The following SOX13 variants were observed in gnomAD, a reference collection of about 807,000 sequenced individuals.
The protein encoded by SOX13 is transcription factor SOX-13.
A neutral mutation model predicts 71.8 loss-of-function variants in SOX13; 28 were observed. The observed-to-expected ratio is 0.39, with a 90% CI of 0.29 to 0.53. The LOEUF (loss-of-function observed/expected upper bound fraction) is 0.53. Ranked by LOEUF, SOX13 falls within the 20% of genes least tolerant of loss-of-function variation. The pLI is 0.70. For missense variants in SOX13, 627 were observed against 810.3 expected, an observed-to-expected ratio of 0.77 and a Z score of 2.75; for synonymous variants, 309 against 317.8, an observed-to-expected ratio of 0.97 and a Z score of 0.29.
At chr1:204,075,373 C>A (rs1011141199) in intron 1 of SOX13, among the ~76,000 whole-genome samples, 2 of 152,266 alleles carry the variant, frequency 1.3e-5, no homozygotes, top group African/African-American at 4.8e-5. Flanking sequence ...TGCGCCTCGG[C>A]GCAGTTGCGA....
chr1:204,100,102 T>C (rs1352888767), intron 1 of SOX13, among the ~76,000 whole-genome samples: 1 of 152,228 alleles, frequency 6.6e-6, no homozygotes, highest in African/African-American at 2.4e-5. Context: ...ATTGTGCCAC[T>C]GTACTCCAGC....
chr1:204,121,999 C>T lies in SOX13; in HGVS notation c.861+14C>T, dbSNP rs1479174046. ...CACCCCCTGCAGGTACCGCCCTCTA[C>T]CCACTGGCCTGGGGCTCCCTCTCGA... On this transcript the variant is annotated intron_variant, in intron 8 of 13. Transcript: ENST00000367204. 3 of 1,574,886 alleles carry T rather than the reference C, an allele frequency of 1.9e-6. No homozygotes were observed. The highest frequency in any genetic ancestry group is 1.7e-6 in the Non-Finnish European group (2 of 1,146,402).
chr1:204,087,212 G>A (rs935315058), intron 1 of SOX13, among the ~76,000 whole-genome samples: 8 of 152,196 alleles, frequency 5.3e-5, no homozygotes, highest in East Asian at 3.9e-4. Context: ...GTGAGCCACC[G>A]CGCCCAGCTT....
intron 1 of SOX13, among the ~76,000 whole-genome samples, chr1:204,086,147 A>G (rs1656013699): frequency 6.6e-6 from 1 of 152,126 alleles, no homozygotes; most frequent in Admixed American, 6.5e-5. Flanking sequence ...TGCAGCCTGG[A>G]AAGGAGTTGG....
In SOX13 at chr1:204,073,432, G is replaced by C. The variant is rs1655710553; in HGVS notation, c.-281G>C. 1 of 152,080 alleles carries C rather than the reference G, an allele frequency of 6.6e-6. No individual in the cohort carries two copies. Among genetic ancestry groups the C allele is most frequent in the Non-Finnish European group, 1.5e-5 (1 of 68,026 alleles). 9.4% of individuals were successfully genotyped at this position (152,080 alleles called of 1,614,324 possible). A position where few individuals can be genotyped will look rare whatever the true frequency, so the allele number is the denominator to read the frequency against. ...CAGAGGGCAGAGAGCGGCCTGGCTCGGCGGAGAGGGCGCCGCCCGGCCGGA... is the reference window on the plus strand; with the variant it reads ...CAGAGGGCAGAGAGCGGCCTGGCTCCGCGGAGAGGGCGCCGCCCGGCCGGA... On this transcript the variant is annotated 5_prime_UTR_variant, in exon 1 of 14. Coordinates refer to ENST00000367204, the MANE Select transcript of SOX13 (RefSeq NM_005686.3). This position sits in a 1 kb window ranked among gnomAD's most constrained non-coding sequence, Gnocchi z 6.8.
At chr1:204,103,596 A>G (rs550579498) in intron 1 of SOX13, among the ~76,000 whole-genome samples, 2 of 152,356 alleles carry the variant, frequency 1.3e-5, no homozygotes, top group East Asian at 3.9e-4. Context: ...TTTGGTCAGT[A>G]TTCAGGGCTA....
Position 204,124,607 on chromosome 1 carries a change from G to T in SOX13, c.1376-34G>T, listed in dbSNP as rs139366908. 72 of 1,572,692 alleles carry T rather than the reference G, an allele frequency of 4.6e-5. No homozygotes were observed. The African/African-American group carries it at 8.0e-4, about 17-fold the overall frequency. On this transcript the variant is annotated intron_variant, in intron 12 of 13. Transcript: ENST00000367204. ...GGCTGGGGGTGGTCAGCAGAGCCCA[G>T]CACTGACTGCCTGCCCCTGGGGGGT...
At chr1:204,089,063 A>G (rs1656083258) in intron 1 of SOX13, among the ~76,000 whole-genome samples, 1 of 151,750 alleles carries the variant, frequency 6.6e-6, no homozygotes, top group African/African-American at 2.4e-5. Context: ...AGGAGCAGAA[A>G]GGAAGAGCTA....
intron 7 of SOX13, 82 bp downstream of exon 7, chr1:204,117,789 A>G (rs1465351472): frequency 1.2e-6 from 1 of 858,764 alleles, no homozygotes; most frequent in Non-Finnish European, 1.9e-6. Flanking sequence ...ACTCTCATCC[A>G]TTAATTTGCT....
intron 1 of SOX13, among the ~76,000 whole-genome samples, chr1:204,091,151 C>T (rs1356611600): frequency 2.0e-5 from 3 of 152,148 alleles, no homozygotes; most frequent in Non-Finnish European, 2.9e-5. Flanking sequence ...TGCTGCCTTC[C>T]GTATTGAACT....
At chr1:204,093,123 G>A (rs905775696) in intron 1 of SOX13, among the ~76,000 whole-genome samples, 11 of 152,148 alleles carry the variant, frequency 7.2e-5, no homozygotes, top group African/African-American at 1.2e-4. Flanking sequence ...ACGTGGGGAC[G>A]TGGGGGAGGT....
intron 1 of SOX13, among the ~76,000 whole-genome samples, chr1:204,090,600 A>C (rs1050724605): frequency 6.6e-6 from 1 of 151,832 alleles, no homozygotes; most frequent in Non-Finnish European, 1.5e-5. Flanking sequence ...CAGTAGGGAC[A>C]GGGTTTCACT....
At chr1:204,090,233 G>A (rs887437545) in intron 1 of SOX13, among the ~76,000 whole-genome samples, 2 of 152,068 alleles carry the variant, frequency 1.3e-5, no homozygotes, top group Non-Finnish European at 2.9e-5. Context: ...TTGGGCAGTC[G>A]GGGAGAGAGG....
chr1:204,107,841 G>A (rs549391473), intron 1 of SOX13, among the ~76,000 whole-genome samples: 21 of 152,238 alleles, frequency 1.4e-4, no homozygotes, highest in Admixed American at 2.6e-4. Flanking sequence ...AGACACCTGT[G>A]AGGATGGAAG....
intron 4 of SOX13, among the ~76,000 whole-genome samples, chr1:204,115,736 G>A (rs112522107): frequency 0.02 from 2,738 of 135,512 alleles, 92 homozygotes; most frequent in African/African-American, 0.07. Flanking sequence ...GTGTGATTTC[G>A]GCTCACTGCA....
chr1:204,126,326 G>T lies in SOX13; in HGVS notation c.*192G>T. The T allele has an allele frequency of 1.5e-6, 1 of 654,336 alleles. No homozygotes were observed. Among genetic ancestry groups the T allele is most frequent in the Non-Finnish European group, 2.6e-6 (1 of 383,580 alleles). 40.5% of individuals were successfully genotyped at this position (654,336 alleles called of 1,614,324 possible). On this transcript the variant is annotated 3_prime_UTR_variant, in exon 14 of 14. Transcript: ENST00000367204. Reference sequence around the variant, plus strand: ...TCCCTTCCTGAGGAGCTGTTGGCCTGGGTGGGCAGGAACTGCAGTATGGCC... The same window carrying T: ...TCCCTTCCTGAGGAGCTGTTGGCCTTGGTGGGCAGGAACTGCAGTATGGCC...
intron 2 of SOX13, among the ~76,000 whole-genome samples, chr1:204,114,106 C>T (rs999031819): frequency 1.3e-5 from 2 of 152,210 alleles, no homozygotes; most frequent in African/African-American, 4.8e-5. Context: ...GTCACTGAGC[C>T]TGGACTGAAA....
At chr1:204,089,150 C>T (rs1300479913) in intron 1 of SOX13, among the ~76,000 whole-genome samples, 1 of 141,876 alleles carries the variant, frequency 7.0e-6, no homozygotes, top group Non-Finnish European at 1.5e-5. Flanking sequence ...CAGCCAAGCA[C>T]ATTCTGTTCT....
chr1:204,084,886 C>T (rs1655985329), intron 1 of SOX13, among the ~76,000 whole-genome samples: 7 of 152,170 alleles, frequency 4.6e-5, no homozygotes, highest in Admixed American at 4.6e-4. Flanking sequence ...GCGAATCCAC[C>T]AGCCCTGAGG....
Sources: allele counts gnomAD v4.1 joint callset (sites outside exome capture counted in the v4.1 genomes callset), GRCh38; gene constraint gnomAD v4.1.1; non-coding constraint Gnocchi (gnomAD v3.1); transcripts MANE v1.5; gene names NCBI Gene and HGNC (gene_info 2026-07-23, HGNC 2026-07-21).